The following DCC variants were observed in gnomAD, a reference collection of about 807,000 sequenced individuals.
DCC encodes the protein DCC netrin 1 receptor, also known as netrin receptor DCC.
Under a neutral mutation model 172.5 loss-of-function variants are expected in DCC, and 58 were observed. That is an observed-to-expected ratio of 0.34 (90% confidence interval 0.27 to 0.42). The LOEUF is 0.42. Among genes scored for constraint, DCC ranks in the 10% least tolerant of loss-of-function variants. The pLI, the probability that DCC is intolerant of heterozygous loss-of-function variation, is 1.00. For missense variants in DCC, 1,740 were observed against 1,791.0 expected, an observed-to-expected ratio of 0.97 and a Z score of 0.51; for synonymous variants, 709 against 644.5, an observed-to-expected ratio of 1.10 and a Z score of -1.52.
intron 27 of DCC, among the ~76,000 whole-genome samples, chr18:53,509,015 C>CT (rs2144519474): frequency 6.6e-6 from 1 of 152,312 alleles, no homozygotes; most frequent in South Asian, 2.1e-4. Context: ...CTGGCTTCTT[C>CT]TCTCTCATAA....
chr18:53,436,657 ATTTT>A (rs1911960629), intron 22 of DCC, among the ~76,000 whole-genome samples: 1 of 152,072 alleles, frequency 6.6e-6, no homozygotes, highest in Admixed American at 6.6e-5. Context: ...CTCTTGACTT[ATTTT>A]TGAATTGCCT....
intron 26 of DCC, among the ~76,000 whole-genome samples, chr18:53,495,060 A>G (rs2046003414): frequency 1.3e-5 from 2 of 152,038 alleles, no homozygotes; most frequent in Admixed American, 1.3e-4. Context: ...TTTCACTTAC[A>G]AAGCTTAGTT....
intron 1 of DCC, among the ~76,000 whole-genome samples, chr18:52,567,739 C>A (rs138370511): frequency 2.0e-5 from 3 of 152,076 alleles, no homozygotes; most frequent in Non-Finnish European, 4.4e-5. Context: ...GGGTACACTA[C>A]AAGCCCAGAC....
chr18:53,339,740 C>T lies in DCC; in HGVS notation c.2192C>T (p.Ser731Phe). 7 of 1,613,984 alleles carry T rather than the reference C, an allele frequency of 4.3e-6. No individual in the cohort carries two copies. The highest frequency in any genetic ancestry group is 5.9e-6 in the Non-Finnish European group (7 of 1,179,954). The change falls in exon 15 of 29, where the codon TCT becomes TTT. Residue 731 changes from serine (S) to phenylalanine (F), a missense_variant. Physicochemically the swap from Ser to Phe is radical, Grantham distance 155. Coordinates refer to ENST00000442544, the MANE Select transcript of DCC (RefSeq NM_005215.4). ...DESQVPDQPS[S>F]LHVRPQTNCI... ...TCTCAAGTTCCTGATCAACCAAGCT[C>T]TCTTCATGTGAGGCCCCAGACTAAC...
intron 24 of DCC, among the ~76,000 whole-genome samples, chr18:53,466,190 A>C (rs1339774870): frequency 6.6e-6 from 1 of 152,196 alleles, no homozygotes; most frequent in Non-Finnish European, 1.5e-5. Flanking sequence ...TAACAGGTGC[A>C]ATCACAGGCA....
chr18:53,460,380 A>G (rs973256037), intron 24 of DCC, among the ~76,000 whole-genome samples: 4 of 134,768 alleles, frequency 3.0e-5, no homozygotes, highest in African/African-American at 1.1e-4. Flanking sequence ...CGCTGCACCC[A>G]CTAACTCATC....
At chr18:52,480,000 T>TA (rs778503797) in intron 1 of DCC, among the ~76,000 whole-genome samples, 39 of 152,262 alleles carry the variant, frequency 2.6e-4, no homozygotes, top group Admixed American at 1.0e-3. Flanking sequence ...CAATTCTATG[T>TA]AATGCCCTCT....
intron 2 of DCC, among the ~76,000 whole-genome samples, chr18:52,814,143 C>G (rs550499458): frequency 2.6e-5 from 4 of 152,310 alleles, no homozygotes; most frequent in South Asian, 4.1e-4. Flanking sequence ...TGAGCCACAG[C>G]TAAGATATCG....
intron 2 of DCC, among the ~76,000 whole-genome samples, chr18:52,785,697 A>G (rs895066526): frequency 6.6e-6 from 1 of 152,112 alleles, no homozygotes; most frequent in Non-Finnish European, 1.5e-5. Context: ...GCTGCTAAAT[A>G]TTAATATAAA....
chr18:53,424,769 C>T lies in DCC; in HGVS notation c.3163+8613C>T, dbSNP rs556508380. 4.6e-5 allele frequency among the ~76,000 whole-genome samples: 7 copies of T among 152,268 alleles called. No homozygotes were observed. The South Asian group carries it at 1.5e-3, about 32-fold the overall frequency. ...ACATTTAGGATATAATTTGCTCAGG[C>T]ACAAACATATCTCATGCCTACCTTT... On this transcript the variant is annotated intron_variant, in intron 21 of 28. Coordinates refer to ENST00000442544, the MANE Select transcript of DCC (RefSeq NM_005215.4).
At chr18:53,304,362 G>GT (rs1568042563) in intron 12 of DCC, among the ~76,000 whole-genome samples, 107 of 151,682 alleles carry the variant, frequency 7.1e-4, no homozygotes, top group African/African-American at 2.3e-3. Flanking sequence ...GGATATGACT[G>GT]CTTTTTTTTT....
At chr18:52,683,671 A>C (rs2035785257) in intron 1 of DCC, among the ~76,000 whole-genome samples, 1 of 151,996 alleles carries the variant, frequency 6.6e-6, no homozygotes, top group Non-Finnish European at 1.5e-5. Context: ...TCCCTTTTGA[A>C]CTCTCAGAGA....
intron 1 of DCC, among the ~76,000 whole-genome samples, chr18:52,415,970 G>A (rs960429209): frequency 6.6e-6 from 1 of 151,992 alleles, no homozygotes; most frequent in East Asian, 1.9e-4. Flanking sequence ...ATGTTAGGGT[G>A]TCAATTTTGG....
intron 1 of DCC, among the ~76,000 whole-genome samples, chr18:52,709,180 G>GTA (rs1333903113): frequency 6.6e-6 from 1 of 152,240 alleles, no homozygotes; most frequent in East Asian, 1.9e-4. Flanking sequence ...TCCTCAGAGA[G>GTA]TATAAATAAT....
In DCC at chr18:53,459,248, A is replaced by C; in HGVS notation, c.3409A>C (p.Ser1137Arg). Residue 1137 changes from serine (S) to arginine (R), a missense_variant, in exon 24 of 29, where the codon AGT becomes CGT. Transcript: ENST00000442544. ...GTTCCATAGGAAACGGGCCACCCAC[A>C]GTGCTGGCAAAAGGAAGGGCAGCCA... ...AQQRKKRATH[S>R]AGKRKGSQKD... 6.2e-7 allele frequency: 1 copy of C among 1,613,978 alleles called. No homozygotes were observed. The highest frequency in any genetic ancestry group is 8.5e-7 in the Non-Finnish European group (1 of 1,179,860).
intron 1 of DCC, among the ~76,000 whole-genome samples, chr18:52,343,819 C>A (rs1252367752): frequency 6.6e-6 from 1 of 152,194 alleles, no homozygotes; most frequent in East Asian, 1.9e-4. Context: ...CTTCTCATTC[C>A]CCCAACCAAA....
chr18:52,933,216 G>A (rs2040333695), intron 5 of DCC, among the ~76,000 whole-genome samples: 1 of 152,108 alleles, frequency 6.6e-6, no homozygotes, highest in African/African-American at 2.4e-5. Flanking sequence ...CAACTGTTGA[G>A]TGCCTCTTGT....
chr18:53,205,488 T>C (rs146430104), intron 10 of DCC, 124 bp downstream of exon 10: 1 of 917,608 alleles, frequency 1.1e-6, no homozygotes, highest in Non-Finnish European at 1.8e-6. Context: ...GTTAACACAT[T>C]CATTGAAAAG....
At chr18:52,996,263 C>G (rs990673493) in intron 5 of DCC, among the ~76,000 whole-genome samples, 2 of 151,716 alleles carry the variant, frequency 1.3e-5, no homozygotes, top group African/African-American at 4.8e-5. Context: ...ATATTTTTCT[C>G]TAATTATATT....
Sources: gnomAD v4.1 joint callset for allele counts (sites outside exome capture counted in the v4.1 genomes callset) on GRCh38, gnomAD v4.1.1 for gene constraint, MANE v1.5 for transcripts, NCBI Gene and HGNC (gene_info 2026-07-23, HGNC 2026-07-21) for gene names.